Variants in NBEA observed in about 807,000 individuals in gnomAD.
The protein encoded by NBEA is lysosomal-trafficking regulator 2.
Under a neutral mutation model 343.4 loss-of-function variants are expected in NBEA, and 44 were observed. The ratio of observed to expected loss-of-function variants is 0.13; its 90% CI spans 0.10 to 0.16. The LOEUF is 0.16. Ranked by LOEUF, NBEA falls within the 10% of genes least tolerant of loss-of-function variation. The pLI is 1.00. For missense variants in NBEA, 2,555 were observed against 3,631.3 expected (o/e 0.70, Z 7.62); for synonymous variants, 1,175 against 1,238.7 (o/e 0.95, Z 1.08).
chr13:35,415,314 T>C (rs976945873), intron 38 of NBEA, among the ~76,000 whole-genome samples: 2 of 152,192 alleles, frequency 1.3e-5, no homozygotes, highest in African/African-American at 4.8e-5. Flanking sequence ...TGCCCATGCC[T>C]ATGTCCTGAA....
chr13:35,161,723 AC>A, intron 22 of NBEA, 26 bp from the exon 23 acceptor site: 7 of 1,564,248 alleles, frequency 4.5e-6, no homozygotes. Context: ...TTTGTATTCC[AC>A]AAAAGTTCAT....
chr13:35,179,738 A>C, intron 28 of NBEA: 1 of 982,028 alleles, frequency 1.0e-6, no homozygotes, highest in Non-Finnish European at 1.2e-6. Context: ...TGTTAGAAAT[A>C]GAAGTATTAT....
At chr13:34,959,078 C>G (rs897607298) in intron 1 of NBEA, among the ~76,000 whole-genome samples, 1 of 152,012 alleles carries the variant, frequency 6.6e-6, no homozygotes, top group Non-Finnish European at 1.5e-5. Flanking sequence ...AGAAAAAATA[C>G]CTTAGAAGCC....
intron 1 of NBEA, among the ~76,000 whole-genome samples, chr13:34,951,052 C>T (rs955173171): frequency 3.9e-5 from 6 of 152,038 alleles, no homozygotes; most frequent in African/African-American, 4.8e-5. Flanking sequence ...TTTCTGGGCT[C>T]GTAAACTGTT....
intron 34 of NBEA, among the ~76,000 whole-genome samples, chr13:35,275,892 C>T (rs1330837496): frequency 6.6e-6 from 1 of 151,644 alleles, no homozygotes; most frequent in Non-Finnish European, 1.5e-5. Flanking sequence ...AGGAGAAATA[C>T]CTAATGTAAA....
chr13:35,472,868 G>T (rs1332999726), intron 41 of NBEA, among the ~76,000 whole-genome samples: 1 of 152,142 alleles, frequency 6.6e-6, no homozygotes, highest in Non-Finnish European at 1.5e-5. Context: ...AAGGTCTTGA[G>T]AAATTTCTTA....
intron 41 of NBEA, among the ~76,000 whole-genome samples, chr13:35,519,572 A>G (rs192951041): frequency 3.2e-4 from 48 of 152,346 alleles, no homozygotes; most frequent in Admixed American, 3.9e-4. Flanking sequence ...TGTAAATAGC[A>G]TTCAGTGTAA....
chr13:35,600,119 G>A (rs1371228729), intron 47 of NBEA, among the ~76,000 whole-genome samples: 1 of 152,152 alleles, frequency 6.6e-6, no homozygotes, highest in Admixed American at 6.5e-5. Flanking sequence ...AAAAAGAAGA[G>A]GCAGGTCCTA....
intron 39 of NBEA, among the ~76,000 whole-genome samples, chr13:35,447,379 T>C (rs983515805): frequency 3.9e-5 from 6 of 152,156 alleles, no homozygotes; most frequent in South Asian, 4.1e-4. Flanking sequence ...CTTTAAAATA[T>C]ACCTTTTTTC....
At chr13:35,091,017 G>C (rs2065053410) in intron 10 of NBEA, among the ~76,000 whole-genome samples, 1 of 151,940 alleles carries the variant, frequency 6.6e-6, no homozygotes, top group African/African-American at 2.4e-5. Context: ...AACTCTGGGA[G>C]AAATCCTCTA....
chr13:35,185,341 A>G (rs2071617916), intron 30 of NBEA: 1 of 39,822 alleles, frequency 2.5e-5, no homozygotes. Flanking sequence ...CTGCCTAATC[A>G]TATGGAACAG....
chr13:35,559,746 T>C (rs2079764919), intron 44 of NBEA, among the ~76,000 whole-genome samples: 1 of 151,834 alleles, frequency 6.6e-6, no homozygotes, highest in African/African-American at 2.4e-5. Flanking sequence ...AAACCCCGTC[T>C]CTACTAAAAA....
intron 45 of NBEA, among the ~76,000 whole-genome samples, chr13:35,569,679 G>C (rs970153041): frequency 2.0e-5 from 3 of 152,234 alleles, no homozygotes; most frequent in African/African-American, 7.2e-5. Context: ...CACTTGAAGG[G>C]AGTTCAGCCC....
intron 41 of NBEA, among the ~76,000 whole-genome samples, chr13:35,487,816 G>T (rs1300311727): frequency 6.6e-6 from 1 of 151,784 alleles, no homozygotes; most frequent in Non-Finnish European, 1.5e-5. Flanking sequence ...CAGTCTTTCA[G>T]CTATTACACC....
chr13:35,028,187 T>G (rs746494492), intron 1 of NBEA, among the ~76,000 whole-genome samples: 56 of 151,958 alleles, frequency 3.7e-4, no homozygotes, highest in Admixed American at 3.5e-3. Flanking sequence ...TTCAGAATTA[T>G]CTTGTTTACA....
In NBEA at chr13:35,373,445, C is replaced by T. The variant is rs569780484; in HGVS notation, c.6179+21122C>T. 3.3e-5 allele frequency among the ~76,000 whole-genome samples: 5 copies of T among 152,222 alleles called. No individual in the cohort carries two copies. In the South Asian group the frequency reaches 8.3e-4, roughly 25 times the overall value. On this transcript the variant is annotated intron_variant, in intron 38 of 58. Transcript: ENST00000379939. ...TAATGGCCAGGCACGGTGGCTTACA[C>T]CTGTAATCCCAGCACTTTGGGAGAT...
chr13:35,504,659 G>T (rs1566235256), intron 41 of NBEA, among the ~76,000 whole-genome samples: 2 of 151,728 alleles, frequency 1.3e-5, no homozygotes, highest in Non-Finnish European at 2.9e-5. Context: ...TTGATACACG[G>T]TCTCACTCTG....
At chr13:35,237,456 CCTT>C (rs1489857060) in intron 34 of NBEA, among the ~76,000 whole-genome samples, 1 of 152,170 alleles carries the variant, frequency 6.6e-6, no homozygotes, top group Non-Finnish European at 1.5e-5. Flanking sequence ...TCTTCGCTCT[CCTT>C]CTGTTTCCCT....
rs73491884 is a variant in NBEA at position 35,347,393 on chromosome 13, C to T, written c.5904-1715C>T. On this transcript the variant is annotated intron_variant, in intron 36 of 58. Transcript: ENST00000379939. Reference sequence around the variant, plus strand: ...AAGTAGTACTCCTGTTTAAAATCCCCGGAAAGAAAAACTGGACAATGAAGG... The same window carrying T: ...AAGTAGTACTCCTGTTTAAAATCCCTGGAAAGAAAAACTGGACAATGAAGG... Among the ~76,000 whole-genome samples the T allele has an allele frequency of 9.0e-3, 1,369 of 151,786 alleles. 17 individuals are homozygous for T. The highest frequency in any genetic ancestry group is 0.022 in the African/African-American group (895 of 41,372).
Sources: gnomAD v4.1 joint callset for allele counts (sites outside exome capture counted in the v4.1 genomes callset) on GRCh38, gnomAD v4.1.1 for gene constraint, MANE v1.5 for transcripts, NCBI Gene and HGNC (gene_info 2026-07-23, HGNC 2026-07-21) for gene names.